The following PHACTR1 variants were observed in gnomAD, a reference collection of about 807,000 sequenced individuals.
The protein encoded by PHACTR1 is phosphatase and actin regulator 1.
PHACTR1 carries 16 observed loss-of-function variants against 69.2 expected under a neutral mutation model. That is an observed-to-expected ratio of 0.23 (90% CI 0.16 to 0.35). PHACTR1 has a LOEUF of 0.35. PHACTR1 is among the 10% of genes least tolerant of loss of function. The probability of loss-of-function intolerance (pLI) is 1.00; values close to 1 mark genes in which losing one functional copy is unlikely to be tolerated. For missense variants in PHACTR1, 510 were observed against 734.7 expected (o/e 0.69, Z 3.54); for synonymous variants, 312 against 284.5 (o/e 1.10, Z -0.97).
intron 4 of PHACTR1, among the ~76,000 whole-genome samples, chr6:12,932,435 T>C (rs1197013459): frequency 6.6e-6 from 1 of 152,230 alleles, no homozygotes; most frequent in Non-Finnish European, 1.5e-5. Flanking sequence ...TTCCTTGTTA[T>C]CTACTTCCAA....
chr6:13,201,628 TGTA>T (rs1765250714), intron 7 of PHACTR1, among the ~76,000 whole-genome samples: 1 of 152,012 alleles, frequency 6.6e-6, no homozygotes, highest in African/African-American at 2.4e-5. Flanking sequence ...TCTAGACTGG[TGTA>T]GTGGTCAAGA....
intron 3 of PHACTR1, among the ~76,000 whole-genome samples, chr6:12,730,028 G>A (rs767338423): frequency 6.6e-6 from 1 of 152,096 alleles, no homozygotes; most frequent in Non-Finnish European, 1.5e-5. Context: ...TCCATTTAAA[G>A]CATATTGAGT....
At chr6:13,063,204 G>A (rs1329249377) in intron 5 of PHACTR1, among the ~76,000 whole-genome samples, 3 of 152,226 alleles carry the variant, frequency 2.0e-5, no homozygotes, top group South Asian at 2.1e-4. Flanking sequence ...GACGGACATG[G>A]CCCCTACCTC....
At chr6:12,957,400 G>C in intron 4 of PHACTR1, 3 of 985,490 alleles carry the variant, frequency 3.0e-6, no homozygotes, top group Non-Finnish European at 3.6e-6. Context: ...AGGCAGGTCG[G>C]GGGTCTGGTT....
chr6:12,835,358 C>T (rs1461897842), intron 4 of PHACTR1, among the ~76,000 whole-genome samples: 10 of 152,102 alleles, frequency 6.6e-5, no homozygotes, highest in South Asian at 2.1e-4. Context: ...AGGGTTGGAC[C>T]GCTCCCTGGC....
At chr6:13,235,016 G>T (rs749296443) in intron 10 of PHACTR1, among the ~76,000 whole-genome samples, 13 of 152,182 alleles carry the variant, frequency 8.5e-5, no homozygotes, top group Non-Finnish European at 1.8e-4. Flanking sequence ...AATGCGCATG[G>T]TGTATCACTG....
At chr6:12,735,011 C>T (rs1471338717) in intron 3 of PHACTR1, among the ~76,000 whole-genome samples, 2 of 152,218 alleles carry the variant, frequency 1.3e-5, no homozygotes, top group Non-Finnish European at 2.9e-5. Flanking sequence ...AAACAACAAA[C>T]ACACTATCTG....
intron 8 of PHACTR1, among the ~76,000 whole-genome samples, chr6:13,222,495 C>T (rs962653871): frequency 6.6e-6 from 1 of 152,244 alleles, no homozygotes; most frequent in Non-Finnish European, 1.5e-5. Context: ...GCCAGCCTCA[C>T]ACCTGATAAG....
At chr6:12,767,220 C>T (rs1053866247) in intron 4 of PHACTR1, among the ~76,000 whole-genome samples, 2 of 152,154 alleles carry the variant, frequency 1.3e-5, no homozygotes, top group Admixed American at 1.3e-4. Context: ...AATGGTGAGT[C>T]ATTTGAAGTG....
At chr6:13,139,202 C>G (rs1019257159) in intron 5 of PHACTR1, among the ~76,000 whole-genome samples, 11 of 148,772 alleles carry the variant, frequency 7.4e-5, no homozygotes, top group Admixed American at 6.1e-4. Context: ...TCCTTTGGGT[C>G]TTCTACAACA....
At chr6:13,093,795 T>G (rs879463653) in intron 5 of PHACTR1, among the ~76,000 whole-genome samples, 3 of 152,166 alleles carry the variant, frequency 2.0e-5, no homozygotes, top group Non-Finnish European at 2.9e-5. Flanking sequence ...GTTAAAGTAG[T>G]CCAGTAAGTA....
chr6:13,208,751 TA>T (rs964590851), intron 8 of PHACTR1, among the ~76,000 whole-genome samples: 12 of 151,760 alleles, frequency 7.9e-5, no homozygotes, highest in African/African-American at 2.4e-4. Context: ...TGCTTCCACT[TA>T]AAAAAAACAC....
In PHACTR1 at chr6:13,253,155, C is replaced by T. The variant is rs915941124; in HGVS notation, c.1392-19705C>T. 1.7e-5 allele frequency: 6 copies of T among 360,670 alleles called. No individual in the cohort carries two copies. The East Asian group carries it at 2.3e-4, about 14-fold the overall frequency. The allele number at this position is 360,670 out of a possible 1,614,324, so 22.3% of individuals were successfully genotyped here. ...CAGCCCTCTCCTTGGGAAGTATGAT[C>T]GCCCCAAAATGAGAGATTGGCCCTT... On this transcript the variant is annotated intron_variant, in intron 10 of 14. Transcript: ENST00000332995.
intron 3 of PHACTR1, among the ~76,000 whole-genome samples, chr6:12,732,572 C>T (rs931309185): frequency 9.9e-5 from 15 of 152,142 alleles, no homozygotes; most frequent in African/African-American, 3.6e-4. Flanking sequence ...TAAGAACGTA[C>T]AGTGTTTGGT....
At chr6:12,833,858 T>TTC (rs1490160212) in intron 4 of PHACTR1, among the ~76,000 whole-genome samples, 2 of 152,108 alleles carry the variant, frequency 1.3e-5, no homozygotes, top group Non-Finnish European at 2.9e-5. Flanking sequence ...CTCCCTCTCC[T>TTC]TCTACTCCTG....
intron 4 of PHACTR1, among the ~76,000 whole-genome samples, chr6:12,810,256 AG>A: frequency 6.6e-6 from 1 of 152,354 alleles, no homozygotes; most frequent in Middle Eastern, 3.4e-3. Flanking sequence ...TAAGAGACAA[AG>A]GGGCCAAAAT....
chr6:12,922,317 A>G (rs940721627), intron 4 of PHACTR1, among the ~76,000 whole-genome samples: 12 of 152,222 alleles, frequency 7.9e-5, no homozygotes, highest in African/African-American at 2.9e-4. Flanking sequence ...TGTTTAGCAA[A>G]AGCATGTAAA....
chr6:13,284,543 A>AT (rs1307782343), intron 13 of PHACTR1, among the ~76,000 whole-genome samples: 25 of 61,314 alleles, frequency 4.1e-4, no homozygotes, highest in African/African-American at 9.6e-4. Flanking sequence ...AAAAAAAAAA[A>AT]ATATATATAT....
In PHACTR1 at chr6:13,246,241, T is replaced by C. The variant is rs138834949; in HGVS notation, c.1391+16048T>C. 7.1e-3 allele frequency among the ~76,000 whole-genome samples: 1,083 copies of C among 151,918 alleles called. 14 individuals carry two copies. The highest frequency in any genetic ancestry group is 0.039 in the East Asian group (201 of 5,178). On this transcript the variant is annotated intron_variant, in intron 10 of 14. Coordinates refer to ENST00000332995, the MANE Select transcript of PHACTR1 (RefSeq NM_030948.6). The surrounding 1 kb of genome is among the most constrained non-coding windows in gnomAD (Gnocchi z 4.2). ...AAAAGAAAAATAAATAATGTGGAGG[T>C]TTTGAATGAAATCTTTAAAAAACAT... is the stretch of plus-strand genomic sequence containing the variant.
Sources: allele counts gnomAD v4.1 joint callset (sites outside exome capture counted in the v4.1 genomes callset), GRCh38; gene constraint gnomAD v4.1.1; non-coding constraint Gnocchi (gnomAD v3.1); transcripts MANE v1.5; gene names NCBI Gene and HGNC (gene_info 2026-07-23, HGNC 2026-07-21).